SCGB2B2: variants seen among roughly 807,000 people sequenced by gnomAD.
SCGB2B2 encodes the protein secretoglobin family 2B member 2, also known as secretoglobin-like protein.
SCGB2B2 carries 11 observed loss-of-function variants against 7.6 expected under a neutral mutation model. The ratio of observed to expected loss-of-function variants is 1.45; its 90% confidence interval spans 0.91 to 2.40. SCGB2B2 has a LOEUF of 2.40. Among genes scored for constraint, SCGB2B2 ranks in the 30% most tolerant of loss-of-function variants. The pLI is 0.00. For synonymous variants in SCGB2B2, 50 were observed against 48.6 expected (o/e 1.03, Z -0.12); for missense variants, 104 against 115.4 (o/e 0.90, Z 0.45).
intron 1 of SCGB2B2, among the ~76,000 whole-genome samples, chr19:34,648,510 C>T (rs2067079747): frequency 6.6e-6 from 1 of 152,158 alleles, no homozygotes; most frequent in African/African-American, 2.4e-5. Context: ...TACCATGAGT[C>T]TACCCATAAT....
At chr19:34,640,168 T>TG (rs1451395703) in intron 1 of SCGB2B2, among the ~76,000 whole-genome samples, 2 of 152,186 alleles carry the variant, frequency 1.3e-5, no homozygotes, top group Non-Finnish European at 2.9e-5. Context: ...GGGAATACAG[T>TG]GGGGCTCACT....
chr19:34,621,914 A>C (rs1041399667), intron 1 of SCGB2B2, among the ~76,000 whole-genome samples: 1 of 152,140 alleles, frequency 6.6e-6, no homozygotes, highest in African/African-American at 2.4e-5. Flanking sequence ...CTGGGAGGAA[A>C]GTGTCTGGGT....
chr19:34,648,181 CTG>C (rs1265826343), intron 1 of SCGB2B2, among the ~76,000 whole-genome samples: 3 of 152,184 alleles, frequency 2.0e-5, no homozygotes, highest in African/African-American at 4.8e-5. Context: ...GACACAGAAA[CTG>C]TGAGACACGC....
chr19:34,636,952 G>A (rs1172123998), intron 1 of SCGB2B2, among the ~76,000 whole-genome samples: 1 of 152,110 alleles, frequency 6.6e-6, no homozygotes, highest in Non-Finnish European at 1.5e-5. Context: ...GGAAAGACAC[G>A]ACAGGTGAGT....
At chr19:34,611,781 C>T (rs965006790) in intron 1 of SCGB2B2, among the ~76,000 whole-genome samples, 2 of 151,332 alleles carry the variant, frequency 1.3e-5, no homozygotes, top group African/African-American at 4.9e-5. Flanking sequence ...TCCCTAGTAG[C>T]TGGGATTACA....
chr19:34,618,898 T>A (rs2066164895), intron 1 of SCGB2B2, among the ~76,000 whole-genome samples: 1 of 152,216 alleles, frequency 6.6e-6, no homozygotes, highest in African/African-American at 2.4e-5. Context: ...GCCTAAGCCT[T>A]ACCTAAAATC....
downstream of SCGB2B2, among the ~76,000 whole-genome samples, chr19:34,590,353 TCATCCATCCATC>T (rs144099847): frequency 1.2e-3 from 173 of 150,342 alleles, 1 homozygote; most frequent in African/African-American, 4.0e-3. Flanking sequence ...CATGCACTCA[TCATCCATCCATC>T]CATCCATCCA....
At chr19:34,663,885 A>G (rs1248130385) in intron 1 of SCGB2B2, among the ~76,000 whole-genome samples, 2 of 152,120 alleles carry the variant, frequency 1.3e-5, no homozygotes, top group African/African-American at 4.8e-5. Context: ...ACTGGGGGGA[A>G]GAGACAATGG....
chr19:34,627,458 G>T (rs1309722853), intron 1 of SCGB2B2, among the ~76,000 whole-genome samples: 4 of 151,858 alleles, frequency 2.6e-5, no homozygotes, highest in Admixed American at 2.0e-4. Context: ...AAAAGCAGGG[G>T]TTGCAATCCT....
rs1244758798 is a variant in SCGB2B2 at position 34,594,669 on chromosome 19, G to A, written c.-106C>T. 9.2e-6 allele frequency: 5 copies of A among 546,056 alleles called. No individual in the cohort carries two copies. The highest frequency in any genetic ancestry group is 9.6e-6 in the Non-Finnish European group (3 of 311,260). 33.8% of individuals were successfully genotyped at this position (546,056 alleles called of 1,614,324 possible). ...TGCCTCTTCGTGTGTGTGTGTGTGT[G>A]TGTGTGTGTGTGTGTGTGTGTGTGT... On this transcript the variant is annotated 5_prime_UTR_variant, in exon 2 of 4. Transcript: ENST00000601241.
intron 1 of SCGB2B2, among the ~76,000 whole-genome samples, chr19:34,674,402 CTGAT>C (rs2067872438): frequency 6.6e-6 from 1 of 152,100 alleles, no homozygotes; most frequent in Non-Finnish European, 1.5e-5. Flanking sequence ...GCAAAGCAAA[CTGAT>C]TGAAGAATTT....
At position 34,676,010 on chromosome 19, in the gene SCGB2B2, C is replaced by T. The variant is rs117074795; in HGVS notation, c.-2412G>A. On this transcript the variant is annotated 5_prime_UTR_variant, in exon 1 of 4. It adds an upstream start codon to the 5' untranslated region. Coordinates refer to ENST00000601241, the MANE Select transcript of SCGB2B2 (RefSeq NM_001025591.4). ...AGAGCAAAAGAACAAACATCCCACA[C>T]CTGGGAAGTAGACCCCAGCGCGGTT... The T allele has an allele frequency of 1.3e-5, 2 of 152,328 alleles. No individual in the cohort carries two copies. Among genetic ancestry groups the T allele is most frequent in the African/African-American group, 2.4e-5 (1 of 41,554 alleles). 9.4% of individuals were successfully genotyped at this position (152,328 alleles called of 1,614,324 possible). A position where few individuals can be genotyped will look rare whatever the true frequency, so the allele number is the denominator to read the frequency against.
At chr19:34,663,282 C>T (rs986833963) in intron 1 of SCGB2B2, among the ~76,000 whole-genome samples, 3 of 152,202 alleles carry the variant, frequency 2.0e-5, no homozygotes, top group Non-Finnish European at 4.4e-5. Flanking sequence ...GGCACAAACC[C>T]TAACAAATGT....
chr19:34,632,572 T>C (rs2066564098), intron 1 of SCGB2B2: 2 of 152,202 alleles, frequency 1.3e-5, no homozygotes, highest in Admixed American at 1.3e-4. Flanking sequence ...CAAATGAGAA[T>C]GGTGAAAATT....
At chr19:34,608,708 CT>C (rs1386725192) in intron 1 of SCGB2B2, 2 of 96,332 alleles carry the variant, frequency 2.1e-5, no homozygotes, top group East Asian at 6.9e-4. Context: ...CATCTTTTCA[CT>C]TGTTGATGGA....
Position 34,595,078 on chromosome 19 carries a change from A to G in SCGB2B2, c.-515T>C, listed in dbSNP as rs548692419. 3.6e-4 allele frequency: 59 copies of G among 165,618 alleles called. No homozygotes were observed. The highest frequency in any genetic ancestry group is 1.2e-3 in the African/African-American group (52 of 42,150). 10.3% of individuals were successfully genotyped at this position (165,618 alleles called of 1,614,324 possible). A position where few individuals can be genotyped will look rare whatever the true frequency, so the allele number is the denominator to read the frequency against. On this transcript the variant is annotated 5_prime_UTR_variant, in exon 2 of 4. An upstream start codon of the reference 5' UTR is lost. Transcript: ENST00000601241. Reference sequence around the variant, plus strand: ...AAACTGTAATTTAGATTCAAAGAACATTATCTGGAGTAAAACACAGAACCT... The same window carrying G: ...AAACTGTAATTTAGATTCAAAGAACGTTATCTGGAGTAAAACACAGAACCT...
chr19:34,644,258 T>G (rs560602948), intron 1 of SCGB2B2, among the ~76,000 whole-genome samples: 1 of 152,288 alleles, frequency 6.6e-6, no homozygotes, highest in South Asian at 2.1e-4. Flanking sequence ...GGTCTCAAAC[T>G]TTTGGCCTCA....
intron 1 of SCGB2B2, among the ~76,000 whole-genome samples, chr19:34,610,556 A>G (rs2065898655): frequency 6.6e-6 from 1 of 152,044 alleles, no homozygotes; most frequent in Admixed American, 6.5e-5. Flanking sequence ...TTCTGTGTCT[A>G]TTTATATGAT....
At chr19:34,647,973 C>T (rs187947777) in intron 1 of SCGB2B2, among the ~76,000 whole-genome samples, 27 of 152,180 alleles carry the variant, frequency 1.8e-4, no homozygotes, top group Admixed American at 1.2e-3. Context: ...TTTAGTGTGT[C>T]GGAGAAATGG....
Sources: gnomAD v4.1 joint callset for allele counts (sites outside exome capture counted in the v4.1 genomes callset) on GRCh38, gnomAD v4.1.1 for gene constraint, MANE v1.5 for transcripts, NCBI Gene and HGNC (gene_info 2026-07-23, HGNC 2026-07-21) for gene names.